NEURL1B: variants seen among roughly 807,000 people sequenced by gnomAD.
NEURL1B encodes neuralized E3 ubiquitin protein ligase 1B.
A neutral mutation model predicts 37.4 loss-of-function variants in NEURL1B; 13 were observed. That is an observed-to-expected ratio of 0.35 (90% CI 0.23 to 0.55). The LOEUF (loss-of-function observed/expected upper bound fraction) is 0.55. Among genes scored for constraint, NEURL1B ranks in the 20% least tolerant of loss-of-function variants. NEURL1B has a pLI of 0.89. For synonymous variants in NEURL1B, 432 were observed against 426.6 expected (o/e 1.01, Z -0.16); for missense variants, 790 against 879.2 (o/e 0.90, Z 1.28).
At chr5:172,654,715 C>T (rs1000364054) in intron 1 of NEURL1B, among the ~76,000 whole-genome samples, 8 of 151,952 alleles carry the variant, frequency 5.3e-5, no homozygotes, top group African/African-American at 1.7e-4. Flanking sequence ...TTGGGCCATC[C>T]GCAGGGTACT....
chr5:172,677,034 A>G (rs1204202913), intron 2 of NEURL1B, among the ~76,000 whole-genome samples: 1 of 151,492 alleles, frequency 6.6e-6, no homozygotes, highest in African/African-American at 2.4e-5. Context: ...AAGGTCTCCC[A>G]GCTGGTCAGT....
At chr5:172,643,118 C>G (rs868030648) in intron 1 of NEURL1B, among the ~76,000 whole-genome samples, 2 of 152,244 alleles carry the variant, frequency 1.3e-5, no homozygotes, top group South Asian at 2.1e-4. Context: ...TCAACTCTCT[C>G]TCTGTGGACT....
chr5:172,645,979 G>C (rs1033102990), intron 1 of NEURL1B, among the ~76,000 whole-genome samples: 1 of 152,204 alleles, frequency 6.6e-6, no homozygotes, highest in African/African-American at 2.4e-5. Flanking sequence ...AAAATCTGGT[G>C]CATTTATGTA....
chr5:172,672,011 G>A (rs1484748835), intron 2 of NEURL1B, among the ~76,000 whole-genome samples: 1 of 152,204 alleles, frequency 6.6e-6, no homozygotes, highest in Admixed American at 6.5e-5. Flanking sequence ...CTGCAAAATG[G>A]GCACAAGATA....
chr5:172,646,235 T>G (rs559398775), intron 1 of NEURL1B, among the ~76,000 whole-genome samples: 3 of 152,294 alleles, frequency 2.0e-5, no homozygotes, highest in East Asian at 3.9e-4. Flanking sequence ...TGGCATGACC[T>G]CTCTGTGCCT....
rs1392390681 is a variant in NEURL1B, at chr5:172,647,895, C to G, written c.31+6458C>G. On this transcript the variant is annotated intron_variant, in intron 1 of 4. Coordinates refer to ENST00000369800, the MANE Select transcript of NEURL1B (RefSeq NM_001142651.3). This position sits in a 1 kb window ranked among gnomAD's most constrained non-coding sequence, Gnocchi z 4.2. Reference sequence around the variant, plus strand: ...ACTGGCCCATGCTGACACCCCCAGCCCCCAATGGCAAGCATCACAGTGCTC... The same window carrying G: ...ACTGGCCCATGCTGACACCCCCAGCGCCCAATGGCAAGCATCACAGTGCTC... Among the ~76,000 whole-genome samples the G allele has an allele frequency of 6.6e-6, 1 of 152,132 alleles. No homozygotes were observed. The highest frequency in any genetic ancestry group is 1.5e-5 in the Non-Finnish European group (1 of 68,028).
Position 172,683,349 on chromosome 5 carries a change from CGAG to C in NEURL1B, c.578-65_578-63del, listed in dbSNP as rs1382766954. ...GTGGAGGCCTGCAGGAGGCAGCGGGCGAGGAGGGGCTCGCGACCAGCCTGACGC... is the reference window on the plus strand; with the variant it reads ...GTGGAGGCCTGCAGGAGGCAGCGGGCGAGGGGCTCGCGACCAGCCTGACGC... On this transcript the variant is annotated intron_variant, in intron 2 of 4. Coordinates refer to ENST00000369800, the MANE Select transcript of NEURL1B (RefSeq NM_001142651.3). The surrounding 1 kb of genome is among the most constrained non-coding windows in gnomAD (Gnocchi z 5.6). 25 of 1,261,286 alleles carry C rather than the reference CGAG, an allele frequency of 2.0e-5. No individual in the cohort carries two copies. Among genetic ancestry groups the C allele is most frequent in the Non-Finnish European group, 2.5e-5 (25 of 1,000,450 alleles). The allele number at this position is 1,261,286 out of a possible 1,614,324, so 78.1% of individuals were successfully genotyped here.
At position 172,687,591 on chromosome 5, in the gene NEURL1B, C is replaced by T. The variant is rs1372052517; in HGVS notation, c.*666C>T. ...GTGGGTGAAGAACAATTCACTTCTT[C>T]ATTTCTTACTGGGTCTTAGAGCTGG... On this transcript the variant is annotated 3_prime_UTR_variant, in exon 5 of 5. Transcript: ENST00000369800. The T allele has an allele frequency of 6.6e-6, 1 of 152,536 alleles. No individual in the cohort carries two copies. Among genetic ancestry groups the T allele is most frequent in the Non-Finnish European group, 1.5e-5 (1 of 68,390 alleles). 9.4% of individuals were successfully genotyped at this position (152,536 alleles called of 1,614,324 possible). A position where few individuals can be genotyped will look rare whatever the true frequency, so the allele number is the denominator to read the frequency against.
rs919582281 is a variant in NEURL1B, at chr5:172,670,030, T to G, written c.277T>G (p.Trp93Gly). 1.3e-6 allele frequency: 2 copies of G among 1,500,556 alleles called. No individual in the cohort carries two copies. Among genetic ancestry groups the G allele is most frequent in the Non-Finnish European group, 1.8e-6 (2 of 1,131,304 alleles). The allele number at this position is 1,500,556 out of a possible 1,614,324, so 93.0% of individuals were successfully genotyped here. ...GCGCCTGGTGGCCGTGCGCCCTGGC[T>G]GGAGCGGCGCGCTGCGCTTCGGCTT... ...RLRLVAVRPG[W>G]SGALRFGFTA... Residue 93 changes from tryptophan to glycine, a missense_variant, in exon 2 of 5, where the codon TGG (tryptophan) becomes GGG (glycine). This residue lies in a region of NEURL1B where 215 missense variants were observed against 309.2 expected (regional missense o/e 0.70). Coordinates refer to ENST00000369800, the MANE Select transcript of NEURL1B (RefSeq NM_001142651.3).
chr5:172,675,686 A>C lies in NEURL1B; in HGVS notation c.577+5356A>C, dbSNP rs1758220031. ...CACAGGTGGAATATCCCTTGTCGGA[A>C]ATGCTTATGACCAGAAGCATTTCAG... On this transcript the variant is annotated intron_variant, in intron 2 of 4. Transcript: ENST00000369800. This position sits in a 1 kb window ranked among gnomAD's most constrained non-coding sequence, Gnocchi z 4.7. Among the ~76,000 whole-genome samples the C allele has an allele frequency of 6.6e-6, 1 of 152,068 alleles. No individual in the cohort carries two copies. The highest frequency in any genetic ancestry group is 1.5e-5 in the Non-Finnish European group (1 of 68,016).
In NEURL1B at chr5:172,670,261, G is replaced by T. The variant is rs1168097564; in HGVS notation, c.508G>T (p.Val170Leu). The change falls in exon 2 of 5, where the codon GTG becomes TTG. Residue 170 changes from valine (V) to leucine (L), a missense_variant. This residue lies in a region of NEURL1B where 215 missense variants were observed against 309.2 expected (regional missense o/e 0.70). Coordinates refer to ENST00000369800, the MANE Select transcript of NEURL1B (RefSeq NM_001142651.3). ...CGAGCCGGTGCTCTTCCACTGCGGC[G>T]TGGCCGTGGGCGGCCCGCTCTGGGC... ...DGEPVLFHCG[V>L]AVGGPLWALI... is the part of the protein sequence containing the mutation. 17 of 1,391,176 alleles carry T rather than the reference G, an allele frequency of 1.2e-5. No homozygotes were observed. The highest frequency in any genetic ancestry group is 1.6e-5 in the Non-Finnish European group (17 of 1,077,056). 86.2% of individuals were successfully genotyped at this position (1,391,176 alleles called of 1,614,324 possible).
chr5:172,643,439 G>A (rs1235717082), intron 1 of NEURL1B, among the ~76,000 whole-genome samples: 1 of 152,174 alleles, frequency 6.6e-6, no homozygotes. Flanking sequence ...AAATCCAGTT[G>A]TCGTTACCTC....
chr5:172,651,374 T>A (rs1022906647), intron 1 of NEURL1B, among the ~76,000 whole-genome samples: 7 of 152,232 alleles, frequency 4.6e-5, no homozygotes, highest in African/African-American at 1.7e-4. Context: ...CTATCATGGC[T>A]GCGAGGGAAA....
At chr5:172,650,512 G>C (rs138523176) in intron 1 of NEURL1B, among the ~76,000 whole-genome samples, 1 of 152,294 alleles carries the variant, frequency 6.6e-6, no homozygotes, top group East Asian at 1.9e-4. Context: ...GAAAGGTGGC[G>C]GAAAGAGGGT....
intron 2 of NEURL1B, among the ~76,000 whole-genome samples, chr5:172,671,915 T>A (rs1341856521): frequency 6.6e-6 from 1 of 152,242 alleles, no homozygotes; most frequent in Non-Finnish European, 1.5e-5. Flanking sequence ...CACATAGACC[T>A]CTGTTCTAGA....
Position 172,641,525 on chromosome 5 carries a change from G to T in NEURL1B, c.31+88G>T. On this transcript the variant is annotated intron_variant, in intron 1 of 4. Coordinates refer to ENST00000369800, the MANE Select transcript of NEURL1B (RefSeq NM_001142651.3). The surrounding 1 kb of genome is among the most constrained non-coding windows in gnomAD (Gnocchi z 6.4). ...GGGTGACTCTGGAGAGCTACCCCAC[G>T]GCCCTTGGAGCCCTCGGCTCGCAGC... 9.0e-7 allele frequency: 1 copy of T among 1,105,982 alleles called. No homozygotes were observed. The highest frequency in any genetic ancestry group is 1.1e-6 in the Non-Finnish European group (1 of 869,706). 68.5% of individuals were successfully genotyped at this position (1,105,982 alleles called of 1,614,324 possible). A position where few individuals can be genotyped will look rare whatever the true frequency, so the allele number is the denominator to read the frequency against.
chr5:172,689,085 C>T lies in NEURL1B; in HGVS notation c.*2160C>T, dbSNP rs1412796835. ...GGACCCAGAGGTGGACCAGGCATCT[C>T]CTGGCCACCTGTGACCTGGGAAGAA... On this transcript the variant is annotated 3_prime_UTR_variant, in exon 5 of 5. Coordinates refer to ENST00000369800, the MANE Select transcript of NEURL1B (RefSeq NM_001142651.3). 2 of 152,254 alleles carry T rather than the reference C, an allele frequency of 1.3e-5. No homozygotes were observed. The highest frequency in any genetic ancestry group is 4.8e-5 in the African/African-American group (2 of 41,472). 9.4% of individuals were successfully genotyped at this position (152,254 alleles called of 1,614,324 possible). A position where few individuals can be genotyped will look rare whatever the true frequency, so the allele number is the denominator to read the frequency against.
intron 3 of NEURL1B, among the ~76,000 whole-genome samples, chr5:172,685,726 T>A (rs1033772470): frequency 2.0e-5 from 3 of 152,218 alleles, no homozygotes; most frequent in Non-Finnish European, 4.4e-5. Flanking sequence ...CAGGCAGGCC[T>A]TTGCCACGGG....
chr5:172,656,725 C>A, intron 1 of NEURL1B: 1 of 1,044,274 alleles, frequency 9.6e-7, no homozygotes, highest in Non-Finnish European at 1.5e-6. Context: ...GCGCCTGCCG[C>A]CGCTTCCCCA....
Sources: allele counts gnomAD v4.1 joint callset (sites outside exome capture counted in the v4.1 genomes callset), GRCh38; gene constraint gnomAD v4.1.1; regional missense constraint gnomAD v4.1.1; non-coding constraint Gnocchi (gnomAD v3.1); transcripts MANE v1.5; gene names NCBI Gene and HGNC (gene_info 2026-07-23, HGNC 2026-07-21).